Variants in PARD3B observed in about 807,000 individuals in gnomAD.
The protein encoded by PARD3B is par-3 family cell polarity regulator beta.
A neutral mutation model predicts 130.2 loss-of-function variants in PARD3B; 103 were observed. That is an observed-to-expected ratio of 0.79 (90% CI 0.67 to 0.93). The LOEUF is 0.93. Among genes scored for constraint, PARD3B ranks in the 40% least tolerant of loss-of-function variants. The pLI is 0.00. For synonymous variants in PARD3B, 583 were observed against 553.2 expected (o/e 1.05, Z -0.76); for missense variants, 1,609 against 1,499.2 (o/e 1.07, Z -1.21).
chr2:205,255,651 C>T (rs957237743), intron 16 of PARD3B, among the ~76,000 whole-genome samples: 2 of 152,118 alleles, frequency 1.3e-5, no homozygotes, highest in African/African-American at 4.8e-5. Flanking sequence ...TCTAGAGTAG[C>T]TCACAGAACT....
intron 3 of PARD3B, among the ~76,000 whole-genome samples, chr2:205,003,525 T>A (rs1695019028): frequency 6.6e-6 from 1 of 152,228 alleles, no homozygotes; most frequent in African/African-American, 2.4e-5. Flanking sequence ...AATTATCTCG[T>A]GACCTTTAAG....
intron 3 of PARD3B, among the ~76,000 whole-genome samples, chr2:205,026,224 G>A (rs958260505): frequency 1.3e-5 from 2 of 152,124 alleles, no homozygotes; most frequent in Non-Finnish European, 2.9e-5. Context: ...AACATTCTAC[G>A]CAGAGGGACC....
At chr2:204,924,935 C>G (rs1687482639) in intron 2 of PARD3B, among the ~76,000 whole-genome samples, 1 of 151,960 alleles carries the variant, frequency 6.6e-6, no homozygotes, top group African/African-American at 2.4e-5. Context: ...AGAAATTCTG[C>G]CAACTGTAAC....
intron 19 of PARD3B, among the ~76,000 whole-genome samples, chr2:205,424,962 C>T (rs536254669): frequency 2.1e-4 from 32 of 152,314 alleles, no homozygotes; most frequent in African/African-American, 7.5e-4. Context: ...CTTCTTGCCA[C>T]TTACAAATGT....
At chr2:205,179,815 A>G (rs187573071) in intron 13 of PARD3B, among the ~76,000 whole-genome samples, 153 of 152,350 alleles carry the variant, frequency 1.0e-3, no homozygotes, top group African/African-American at 3.6e-3. Context: ...TAATGAAACC[A>G]TAGAAGTAGT....
At chr2:205,186,974 G>A (rs537819631) in intron 14 of PARD3B, among the ~76,000 whole-genome samples, 1 of 152,286 alleles carries the variant, frequency 6.6e-6, no homozygotes, top group African/African-American at 2.4e-5. Flanking sequence ...AAATGTTTGG[G>A]ATGGTGCAAA....
chr2:205,131,240 A>G (rs2125646429), intron 10 of PARD3B, among the ~76,000 whole-genome samples: 1 of 152,260 alleles, frequency 6.6e-6, no homozygotes, highest in Admixed American at 6.5e-5. Context: ...TTTCAAAATG[A>G]TTTTTCTACC....
intron 1 of PARD3B, among the ~76,000 whole-genome samples, chr2:204,676,367 T>A (rs557471937): frequency 1.3e-5 from 2 of 152,098 alleles, no homozygotes; most frequent in South Asian, 4.2e-4. Flanking sequence ...AAATATGATG[T>A]TTTGTTGAAT....
chr2:204,784,507 T>C (rs2041942410), intron 2 of PARD3B, among the ~76,000 whole-genome samples: 1 of 152,184 alleles, frequency 6.6e-6, no homozygotes, highest in Non-Finnish European at 1.5e-5. Context: ...TGTGGGGACA[T>C]GGCATGTAAG....
intron 10 of PARD3B, among the ~76,000 whole-genome samples, chr2:205,136,938 T>C (rs1159364551): frequency 6.6e-6 from 1 of 152,216 alleles, no homozygotes; most frequent in Non-Finnish European, 1.5e-5. Flanking sequence ...TGATCAAATA[T>C]TTATTGAATG....
chr2:205,167,042 C>A (rs1230809750), intron 11 of PARD3B, among the ~76,000 whole-genome samples: 3 of 152,174 alleles, frequency 2.0e-5, no homozygotes, highest in African/African-American at 7.2e-5. Flanking sequence ...GTGGCTAGTT[C>A]AGTTCTTTGC....
intron 19 of PARD3B, among the ~76,000 whole-genome samples, chr2:205,430,379 CTAACTA>C (rs1392461868): frequency 2.0e-5 from 3 of 152,172 alleles, no homozygotes; most frequent in Admixed American, 6.5e-5. Flanking sequence ...AATGTTGAAT[CTAACTA>C]AGCCTCCAGA....
chr2:205,023,500 A>C (rs1178735510), intron 3 of PARD3B, among the ~76,000 whole-genome samples: 1 of 77,950 alleles, frequency 1.3e-5, no homozygotes, highest in Non-Finnish European at 2.7e-5. Flanking sequence ...TTTTAAATGT[A>C]TGTATTTATT....
At chr2:205,117,706 T>A (rs1476532111) in intron 6 of PARD3B, among the ~76,000 whole-genome samples, 2 of 152,228 alleles carry the variant, frequency 1.3e-5, no homozygotes, top group Non-Finnish European at 2.9e-5. Context: ...ATTGATAAAG[T>A]GCAGATCACA....
intron 10 of PARD3B, among the ~76,000 whole-genome samples, chr2:205,144,840 G>A (rs528996772): frequency 9.9e-5 from 15 of 152,274 alleles, no homozygotes; most frequent in South Asian, 4.2e-4. Flanking sequence ...CAATTCAAAC[G>A]TGAGAGAAAA....
intron 2 of PARD3B, among the ~76,000 whole-genome samples, chr2:204,910,856 A>T (rs1283237513): frequency 6.6e-6 from 1 of 151,984 alleles, no homozygotes. Context: ...GTTAGCCAGG[A>T]TGGTCTCGAT....
intron 1 of PARD3B, among the ~76,000 whole-genome samples, chr2:204,617,645 C>T (rs990926854): frequency 5.9e-5 from 9 of 151,908 alleles, no homozygotes; most frequent in Admixed American, 5.3e-4. Flanking sequence ...GTTTGGTGTA[C>T]AGACAATTTT....
At chr2:205,138,463 A>G (rs2125665915) in intron 10 of PARD3B, among the ~76,000 whole-genome samples, 1 of 152,312 alleles carries the variant, frequency 6.6e-6, no homozygotes, top group East Asian at 1.9e-4. Flanking sequence ...TACAATCTGA[A>G]TTGGCATTGA....
At chr2:204,746,570 A>G (rs1316244115) in intron 2 of PARD3B, among the ~76,000 whole-genome samples, 1 of 152,164 alleles carries the variant, frequency 6.6e-6, no homozygotes, top group African/African-American at 2.4e-5. Context: ...GTCTTCCACA[A>G]TGGTTGAACT....
Sources: gnomAD v4.1 joint callset for allele counts (sites outside exome capture counted in the v4.1 genomes callset) on GRCh38, gnomAD v4.1.1 for gene constraint, MANE v1.5 for transcripts, NCBI Gene and HGNC (gene_info 2026-07-23, HGNC 2026-07-21) for gene names.